Variants in AMBRA1 observed in about 807,000 individuals in gnomAD.
AMBRA1 encodes the protein activating molecule in BECN1-regulated autophagy protein 1.
AMBRA1 carries 47 observed loss-of-function variants against 125.4 expected under a neutral mutation model. The ratio of observed to expected loss-of-function variants is 0.37; its 90% CI spans 0.30 to 0.48. AMBRA1 has a LOEUF of 0.48. Among genes scored for constraint, AMBRA1 ranks in the 20% least tolerant of loss-of-function variants. AMBRA1 has a pLI of 0.99. For missense variants in AMBRA1, 1,331 were observed against 1,693.4 expected (o/e 0.79, Z 3.76); for synonymous variants, 626 against 655.5 (o/e 0.95, Z 0.69).
intron 7 of AMBRA1, among the ~76,000 whole-genome samples, chr11:46,516,297 C>T (rs772461914): frequency 9.2e-5 from 14 of 151,636 alleles, no homozygotes; most frequent in Admixed American, 5.9e-4. Context: ...AGTTACAATA[C>T]GAGTACTATC....
rs1950884587 is a variant in AMBRA1, at chr11:46,502,635, C to T, written c.2339+5556G>A. 5.9e-5 allele frequency among the ~76,000 whole-genome samples: 9 copies of T among 152,262 alleles called. No homozygotes were observed. In the South Asian group the frequency reaches 1.9e-3, roughly 32 times the overall value. ...AAGGACAGGTGGCTAGAATTCTAGT[C>T]AGGAGAACTTGAAATACATGAGTCA... On this transcript the variant is annotated intron_variant, in intron 9 of 17. Transcript: ENST00000683756.
chr11:46,404,233 T>A (rs1475653087), intron 17 of AMBRA1, among the ~76,000 whole-genome samples: 2 of 152,128 alleles, frequency 1.3e-5, no homozygotes, highest in African/African-American at 4.8e-5. Flanking sequence ...CTGTAGCAGG[T>A]GTGAGTACAG....
chr11:46,494,091 G>A, intron 10 of AMBRA1, 33 bp downstream of exon 10: 1 of 1,571,986 alleles, frequency 6.4e-7, no homozygotes. Flanking sequence ...CTCTAACGAA[G>A]GCTCCCTCTG....
At chr11:46,501,704 T>A (rs972557826) in intron 9 of AMBRA1, among the ~76,000 whole-genome samples, 1 of 152,188 alleles carries the variant, frequency 6.6e-6, no homozygotes, top group Non-Finnish European at 1.5e-5. Flanking sequence ...TCACCAAAAA[T>A]CAAATAATTA....
At chr11:46,524,635 T>C (rs1385524314) in intron 7 of AMBRA1, among the ~76,000 whole-genome samples, 1 of 152,226 alleles carries the variant, frequency 6.6e-6, no homozygotes, top group East Asian at 1.9e-4. Flanking sequence ...TTATTTCACA[T>C]GGTTATTATG....
chr11:46,507,772 T>C (rs542404686), intron 9 of AMBRA1, among the ~76,000 whole-genome samples: 34 of 152,268 alleles, frequency 2.2e-4, no homozygotes, highest in African/African-American at 7.9e-4. Flanking sequence ...AATCCAAGTA[T>C]TTCAGAACGA....
At chr11:46,532,576 A>G (rs1952266196) in intron 7 of AMBRA1, among the ~76,000 whole-genome samples, 1 of 152,146 alleles carries the variant, frequency 6.6e-6, no homozygotes, top group African/African-American at 2.4e-5. Flanking sequence ...AGCTGGGACT[A>G]CAGGCACCCA....
chr11:46,400,799 G>T (rs1192219424), intron 17 of AMBRA1, among the ~76,000 whole-genome samples: 2 of 151,934 alleles, frequency 1.3e-5, no homozygotes, highest in African/African-American at 4.8e-5. Flanking sequence ...AGTCTTAGAC[G>T]ATCTTCCTCA....
chr11:46,479,543 A>G (rs184094913), intron 11 of AMBRA1, among the ~76,000 whole-genome samples: 1 of 152,086 alleles, frequency 6.6e-6, no homozygotes, highest in African/African-American at 2.4e-5. Context: ...CTAAAAATAC[A>G]AAAATTAGCC....
chr11:46,559,320 AAAAGT>A (rs950869376), intron 1 of AMBRA1, among the ~76,000 whole-genome samples: 2 of 152,166 alleles, frequency 1.3e-5, no homozygotes, highest in Non-Finnish European at 1.5e-5. Flanking sequence ...GAAAGAAAAG[AAAAGT>A]AAAGACAAGG....
chr11:46,559,498 AT>A (rs1164440857), intron 1 of AMBRA1, among the ~76,000 whole-genome samples: 1 of 152,136 alleles, frequency 6.6e-6, no homozygotes, highest in African/African-American at 2.4e-5. Flanking sequence ...TGGCAGTAAA[AT>A]TTTTTTAATC....
intron 14 of AMBRA1, among the ~76,000 whole-genome samples, chr11:46,422,694 G>A (rs1946905984): frequency 6.6e-6 from 1 of 151,936 alleles, no homozygotes; most frequent in Admixed American, 6.6e-5. Flanking sequence ...CCTACTGCAT[G>A]CCAATAAAAC....
intron 7 of AMBRA1, among the ~76,000 whole-genome samples, chr11:46,516,365 G>A (rs974732798): frequency 5.3e-5 from 8 of 150,150 alleles, no homozygotes; most frequent in Non-Finnish European, 7.4e-5. Flanking sequence ...GTTACTAGAT[G>A]AGTAAACATC....
intron 12 of AMBRA1, among the ~76,000 whole-genome samples, chr11:46,438,818 A>T (rs1447074043): frequency 1.3e-5 from 2 of 152,218 alleles, no homozygotes; most frequent in African/African-American, 4.8e-5. Flanking sequence ...TTTTCAGGAA[A>T]GCAATTTCAA....
intron 14 of AMBRA1, chr11:46,429,019 A>G (rs1590784448): frequency 6.2e-7 from 1 of 1,611,938 alleles, no homozygotes; most frequent in Non-Finnish European, 8.5e-7. Context: ...CCTTCATGAC[A>G]TGAAGGTTGG....
At chr11:46,454,180 G>A (rs905097097) in intron 11 of AMBRA1, among the ~76,000 whole-genome samples, 1 of 151,954 alleles carries the variant, frequency 6.6e-6, no homozygotes, top group Non-Finnish European at 1.5e-5. Flanking sequence ...AAAAGAAATA[G>A]CTATGAAATT....
intron 8 of AMBRA1, among the ~76,000 whole-genome samples, chr11:46,509,688 G>A (rs1230425196): frequency 6.6e-6 from 1 of 152,104 alleles, no homozygotes; most frequent in Non-Finnish European, 1.5e-5. Flanking sequence ...GAGAAAAATT[G>A]AAGAATGGTC....
chr11:46,522,183 A>AC (rs1951790704), intron 7 of AMBRA1, among the ~76,000 whole-genome samples: 1 of 151,946 alleles, frequency 6.6e-6, no homozygotes, highest in African/African-American at 2.4e-5. Flanking sequence ...GGAACATATG[A>AC]CCCTCTGCTA....
chr11:46,410,631 C>T (rs1437719536), intron 15 of AMBRA1, among the ~76,000 whole-genome samples: 1 of 152,234 alleles, frequency 6.6e-6, no homozygotes, highest in Non-Finnish European at 1.5e-5. Flanking sequence ...CCGGCTCCTC[C>T]TCGGAGCTAA....
Sources: gnomAD v4.1 joint callset for allele counts (sites outside exome capture counted in the v4.1 genomes callset) on GRCh38, gnomAD v4.1.1 for gene constraint, MANE v1.5 for transcripts, NCBI Gene and HGNC (gene_info 2026-07-23, HGNC 2026-07-21) for gene names.